CACNA2D3: variants seen among roughly 807,000 people sequenced by gnomAD.
CACNA2D3 encodes the protein calcium voltage-gated channel auxiliary subunit alpha2delta 3.
In CACNA2D3, 60 loss-of-function variants were observed where a neutral mutation model predicts 160.6. The observed-to-expected ratio is 0.37, with a 90% CI of 0.30 to 0.46. CACNA2D3 has a LOEUF of 0.46. Ranked by LOEUF, CACNA2D3 falls within the 20% of genes least tolerant of loss-of-function variation. CACNA2D3 has a pLI of 1.00. For missense variants in CACNA2D3, 1,205 were observed against 1,365.0 expected, an observed-to-expected ratio of 0.88 and a Z score of 1.85; for synonymous variants, 558 against 492.9, an observed-to-expected ratio of 1.13 and a Z score of -1.75.
intron 31 of CACNA2D3, among the ~76,000 whole-genome samples, chr3:54,999,317 T>A (rs1559459482): frequency 6.6e-6 from 1 of 152,162 alleles, no homozygotes; most frequent in Non-Finnish European, 1.5e-5. Flanking sequence ...AGTAAGGGCT[T>A]CCCATGGCGA....
intron 4 of CACNA2D3, among the ~76,000 whole-genome samples, chr3:54,451,275 G>A (rs1442240099): frequency 3.1e-5 from 3 of 97,382 alleles, no homozygotes; most frequent in African/African-American, 1.3e-4. Flanking sequence ...ACAGCCTCTT[G>A]CTCTGTCACC....
intron 35 of CACNA2D3, among the ~76,000 whole-genome samples, chr3:55,027,964 TAGAAG>T (rs566200950): frequency 3.3e-4 from 50 of 152,178 alleles, no homozygotes; most frequent in Non-Finnish European, 5.3e-4. Flanking sequence ...GCCCATCTCT[TAGAAG>T]AGATCCGCTG....
At chr3:54,405,196 T>C (rs1317730220) in intron 4 of CACNA2D3, among the ~76,000 whole-genome samples, 1 of 151,320 alleles carries the variant, frequency 6.6e-6, no homozygotes, top group East Asian at 1.9e-4. Context: ...AATGGCATTC[T>C]TCACATAAAT....
chr3:54,466,416 C>G (rs1379374880), intron 4 of CACNA2D3, among the ~76,000 whole-genome samples: 1 of 152,074 alleles, frequency 6.6e-6, no homozygotes, highest in Non-Finnish European at 1.5e-5. Flanking sequence ...TGTAAAGAAA[C>G]CCACAAGCTA....
At chr3:54,270,743 T>A (rs1426652560) in intron 2 of CACNA2D3, among the ~76,000 whole-genome samples, 1 of 152,220 alleles carries the variant, frequency 6.6e-6, no homozygotes, top group Non-Finnish European at 1.5e-5. Flanking sequence ...TTGGCTGATC[T>A]CAGTTCCTTG....
Position 54,880,803 on chromosome 3 carries a change from G to T in CACNA2D3, c.1852G>T (p.Val618Leu), listed in dbSNP as rs777759522. The T allele has an allele frequency of 5.0e-6, 8 of 1,613,728 alleles. No homozygotes were observed. In the South Asian group the frequency reaches 7.7e-5, roughly 16 times the overall value. Residue 618 changes from valine to leucine, a missense_variant, in exon 21 of 38, where the codon GTG becomes TTG. Physicochemically the swap from Val to Leu is conservative, Grantham distance 32. Transcript: ENST00000474759. ...CTTTGTCTCTCTGCACAGTTTAGGTGTGGCGCTTTCCAGAGGTCATGGGAA... is the reference window on the plus strand; with the variant it reads ...CTTTGTCTCTCTGCACAGTTTAGGTTTGGCGCTTTCCAGAGGTCATGGGAA... ...DIKGTPFSLG[V>L]ALSRGHGKYF...
chr3:54,675,367 G>A (rs1700221090), intron 11 of CACNA2D3, among the ~76,000 whole-genome samples: 1 of 152,168 alleles, frequency 6.6e-6, no homozygotes, highest in South Asian at 2.1e-4. Context: ...AGGAGTTTGG[G>A]ACAACAAAGG....
intron 9 of CACNA2D3, among the ~76,000 whole-genome samples, chr3:54,591,587 T>TC (rs1553741915): frequency 0.01 from 1,528 of 150,098 alleles, 17 homozygotes; most frequent in Non-Finnish European, 0.013. Flanking sequence ...TTTTTTTTTT[T>TC]CACATCACTA....
intron 14 of CACNA2D3, 36 bp downstream of exon 14, chr3:54,816,906 G>A (rs575630862): frequency 3.7e-6 from 6 of 1,611,522 alleles, no homozygotes; most frequent in South Asian, 1.1e-5. Flanking sequence ...GTCACCCCCA[G>A]AACTCACGAG....
intron 35 of CACNA2D3, among the ~76,000 whole-genome samples, chr3:55,058,784 G>A (rs1024258204): frequency 2.6e-5 from 4 of 152,092 alleles, no homozygotes; most frequent in South Asian, 2.1e-4. Flanking sequence ...AGGCAGAAAC[G>A]TTACATGCTC....
intron 27 of CACNA2D3, among the ~76,000 whole-genome samples, chr3:54,906,128 A>G (rs1043829848): frequency 6.6e-6 from 1 of 152,122 alleles, no homozygotes; most frequent in Non-Finnish European, 1.5e-5. Flanking sequence ...AATGCTGAGC[A>G]TGGCCAAGTT....
intron 4 of CACNA2D3, among the ~76,000 whole-genome samples, chr3:54,402,372 A>G (rs1339323864): frequency 1.3e-5 from 2 of 152,210 alleles, no homozygotes; most frequent in East Asian, 1.9e-4. Context: ...GTCCAACTAT[A>G]TGCTACCCAC....
At chr3:54,860,934 A>G (rs1699277516) in intron 17 of CACNA2D3, among the ~76,000 whole-genome samples, 1 of 152,192 alleles carries the variant, frequency 6.6e-6, no homozygotes. Context: ...AAGGCCAAAA[A>G]CATAGGTCAT....
intron 6 of CACNA2D3, among the ~76,000 whole-genome samples, chr3:54,568,327 G>A (rs930067934): frequency 1.3e-5 from 2 of 152,130 alleles, no homozygotes; most frequent in African/African-American, 2.4e-5. Context: ...TTTTACATAG[G>A]GATTTACGTA....
intron 11 of CACNA2D3, among the ~76,000 whole-genome samples, chr3:54,729,631 C>T (rs1319405711): frequency 1.3e-5 from 2 of 152,110 alleles, no homozygotes; most frequent in African/African-American, 4.8e-5. Context: ...TTGCTTTTGT[C>T]TCTGTTCGGT....
intron 18 of CACNA2D3, among the ~76,000 whole-genome samples, chr3:54,877,924 T>C (rs1253180383): frequency 1.3e-5 from 2 of 152,180 alleles, no homozygotes; most frequent in African/African-American, 2.4e-5. Flanking sequence ...GGACCAGCTC[T>C]CCCTGTCCAA....
chr3:54,722,138 T>A (rs1003553844), intron 11 of CACNA2D3, among the ~76,000 whole-genome samples: 2 of 152,226 alleles, frequency 1.3e-5, no homozygotes, highest in African/African-American at 4.8e-5. Context: ...TAATCTTGTC[T>A]TCTTGCTTTA....
chr3:54,480,570 A>G (rs1194182684), intron 4 of CACNA2D3, among the ~76,000 whole-genome samples: 1 of 152,186 alleles, frequency 6.6e-6, no homozygotes, highest in Non-Finnish European at 1.5e-5. Flanking sequence ...GGGGTCACAA[A>G]CAAGTTAAAG....
At position 54,843,607 on chromosome 3, in the gene CACNA2D3, G is replaced by A. The variant is rs914051878; in HGVS notation, c.1552-2786G>A. ...CTCTGTCTTACATATGAAAGGGGTT[G>A]TTAGTGGCTGTCACAAAGGAAAGCA... is the stretch of plus-strand genomic sequence containing the variant. On this transcript the variant is annotated intron_variant, in intron 16 of 37. Coordinates refer to ENST00000474759, the MANE Select transcript of CACNA2D3 (RefSeq NM_018398.3). 3.9e-5 allele frequency among the ~76,000 whole-genome samples: 6 copies of A among 152,224 alleles called. No individual in the cohort carries two copies. In the East Asian group the frequency reaches 9.6e-4, roughly 24 times the overall value.
Sources: gnomAD v4.1 joint callset for allele counts (sites outside exome capture counted in the v4.1 genomes callset) on GRCh38, gnomAD v4.1.1 for gene constraint, MANE v1.5 for transcripts, NCBI Gene and HGNC (gene_info 2026-07-23, HGNC 2026-07-21) for gene names.